Variants in MGRN1 observed in about 807,000 individuals in gnomAD.
MGRN1 encodes E3 ubiquitin-protein ligase MGRN1.
MGRN1 carries 29 observed loss-of-function variants against 69.2 expected under a neutral mutation model. The observed-to-expected ratio is 0.42, with a 90% CI of 0.31 to 0.57. The LOEUF is 0.57. Among genes scored for constraint, MGRN1 ranks in the 20% least tolerant of loss-of-function variants. The pLI is 0.15. For synonymous variants in MGRN1, 470 were observed against 344.2 expected (o/e 1.37, Z -4.04); for missense variants, 998 against 796.2 (o/e 1.25, Z -3.05).
intron 4 of MGRN1, among the ~76,000 whole-genome samples, chr16:4,656,412 G>A (rs1019835918): frequency 2.0e-5 from 3 of 152,158 alleles, no homozygotes; most frequent in Non-Finnish European, 4.4e-5. Context: ...CGCCTACCCC[G>A]TCTGAACGTT....
intron 1 of MGRN1, among the ~76,000 whole-genome samples, chr16:4,644,276 G>GCCA (rs1207510781): frequency 2.0e-5 from 3 of 149,192 alleles, no homozygotes; most frequent in African/African-American, 7.4e-5. Flanking sequence ...ACAGGTGTTA[G>GCCA]CCACCGTGCT....
intron 10 of MGRN1, chr16:4,677,232 C>T: frequency 2.4e-6 from 1 of 414,686 alleles, no homozygotes; most frequent in Non-Finnish European, 4.3e-6. Flanking sequence ...CGCCCCCTCC[C>T]TCTATTTCTG....
intron 3 of MGRN1, 29 bp downstream of exon 3, chr16:4,652,080 G>A (rs774451292): frequency 8.7e-6 from 14 of 1,604,474 alleles, no homozygotes; most frequent in Non-Finnish European, 1.2e-5. Context: ...TGGGGACCCT[G>A]TGGCTCTGTG....
At chr16:4,642,990 C>CT (rs2078196047) in intron 1 of MGRN1, among the ~76,000 whole-genome samples, 1 of 152,034 alleles carries the variant, frequency 6.6e-6, no homozygotes, top group African/African-American at 2.4e-5. Flanking sequence ...CAGTCCCACT[C>CT]TGTCACCCAG....
intron 16 of MGRN1, chr16:4,686,322 G>A (rs773913035): frequency 3.9e-6 from 6 of 1,542,236 alleles, no homozygotes; most frequent in Middle Eastern, 1.7e-4. Flanking sequence ...CCTCCCAGAC[G>A]CGCTTCGGGG....
intron 4 of MGRN1, 38 bp downstream of exon 4, chr16:4,652,862 G>A: frequency 6.4e-7 from 1 of 1,559,262 alleles, no homozygotes. Context: ...CCTGGCTGGG[G>A]GCCCCAGACT....
At chr16:4,625,992 G>A (rs905114278) in intron 1 of MGRN1, among the ~76,000 whole-genome samples, 3 of 152,236 alleles carry the variant, frequency 2.0e-5, no homozygotes, top group Non-Finnish European at 2.9e-5. Context: ...CTGAGTGTGG[G>A]CCAGGTCCAC....
Position 4,683,865 on chromosome 16 carries a change from G to C in MGRN1, c.1551G>C (p.Glu517Asp), listed in dbSNP as rs777834956. The change falls in exon 16 of 17, where the codon GAG becomes GAC. Residue 517 changes from glutamate to aspartate, a missense_variant. By Grantham distance (45) the Glu-to-Asp change is conservative (BLOSUM62 2). Transcript: ENST00000262370. ...CAGGGACCCGAGCAGCTTCCATTGA[G>C]AATGTCCTGCAGGACAGCAGCCCCG... Reference protein sequence around the residue: ...PQQGTRAASIENVLQDSSPEH... With the variant: ...PQQGTRAASIDNVLQDSSPEH... 5.0e-6 allele frequency: 8 copies of C among 1,605,754 alleles called. No homozygotes were observed. Among genetic ancestry groups the C allele is most frequent in the Middle Eastern group, 3.3e-4 (2 of 6,050 alleles).
chr16:4,628,168 C>T (rs1248234314), intron 1 of MGRN1, among the ~76,000 whole-genome samples: 3 of 151,466 alleles, frequency 2.0e-5, no homozygotes, highest in South Asian at 4.2e-4. Context: ...AGGCGGATCA[C>T]GAGGTCAGGA....
chr16:4,686,212 G>A (rs771825405), intron 16 of MGRN1: 21 of 1,536,638 alleles, frequency 1.4e-5, no homozygotes, highest in South Asian at 1.3e-4. Flanking sequence ...TGGCTGCTGC[G>A]CGCTTGCTAA....
intron 6 of MGRN1, 145 bp from the exon 7 acceptor site, chr16:4,664,957 G>A (rs2078766425): frequency 1.7e-6 from 2 of 1,159,398 alleles, no homozygotes; most frequent in Admixed American, 2.0e-5. Context: ...AGTGCAGGAG[G>A]GCAGGTCCCA....
At chr16:4,652,887 C>T (rs1182294642) in intron 4 of MGRN1, 63 bp downstream of exon 4, 20 of 1,507,266 alleles carry the variant, frequency 1.3e-5, no homozygotes, top group Non-Finnish European at 1.7e-5. Context: ...GGGGAGGCTT[C>T]TGTCCACCTT....
chr16:4,651,479 T>A (rs58556740), intron 2 of MGRN1, among the ~76,000 whole-genome samples: 20,361 of 151,994 alleles, frequency 0.13, 3,036 homozygotes, highest in African/African-American at 0.38. Flanking sequence ...CAGAAGAAGC[T>A]AGAAGGCAGG....
rs1215014071 is a variant in MGRN1 at position 4,636,872 on chromosome 16, CACTT to C, written c.88+11825_88+11828del. 3.9e-5 allele frequency among the ~76,000 whole-genome samples: 6 copies of C among 152,038 alleles called. No individual in the cohort carries two copies. The East Asian group carries it at 1.2e-3, about 29-fold the overall frequency. On this transcript the variant is annotated intron_variant, in intron 1 of 16. Transcript: ENST00000262370. ...CAGTGGCTCACACCTGTAATCCCAG[CACTT>C]TGGGAGGCCGAGACGGGCAGATCAC...
At chr16:4,684,984 C>T (rs544605370) in intron 16 of MGRN1, among the ~76,000 whole-genome samples, 64 of 152,336 alleles carry the variant, frequency 4.2e-4, no homozygotes, top group Non-Finnish European at 7.9e-4. Flanking sequence ...GGCTCTTGTG[C>T]CCCCGGACTC....
chr16:4,682,577 A>AGG (rs1283006531), intron 13 of MGRN1, among the ~76,000 whole-genome samples: 1 of 151,668 alleles, frequency 6.6e-6, no homozygotes, highest in Non-Finnish European at 1.5e-5. Context: ...TAGAAAGAAA[A>AGG]GGAAGGCTAG....
At position 4,677,491 on chromosome 16, in the gene MGRN1, G is replaced by T; in HGVS notation, c.984G>T (p.Ala328=). Residue 328 remains alanine, a synonymous_variant, in exon 11 of 17, where the codon GCG becomes GCT. Transcript: ENST00000262370. ...LPFRALLQIR[A]VRKKPGALSP... ...TCCGGGCCCTCCTGCAGATCCGGGC[G>T]GTGCGGAAGAAGCCAGGAGCCCTGT... is the stretch of plus-strand genomic sequence containing the variant. The T allele has an allele frequency of 1.3e-6, 2 of 1,586,650 alleles. No homozygotes were observed. Among genetic ancestry groups the T allele is most frequent in the Non-Finnish European group, 1.7e-6 (2 of 1,172,096 alleles).
chr16:4,646,264 C>G (rs909794514), intron 1 of MGRN1, among the ~76,000 whole-genome samples: 2 of 152,086 alleles, frequency 1.3e-5, no homozygotes, highest in Admixed American at 6.5e-5. Flanking sequence ...GACCCCATGT[C>G]TACAAAAAAT....
intron 16 of MGRN1, chr16:4,686,477 T>C (rs2079321478): frequency 1.4e-6 from 2 of 1,383,000 alleles, no homozygotes; most frequent in Non-Finnish European, 1.9e-6. Context: ...TGCTGCACCT[T>C]CCCCCAGAAA....
Sources: allele counts gnomAD v4.1 joint callset (sites outside exome capture counted in the v4.1 genomes callset), GRCh38; gene constraint gnomAD v4.1.1; transcripts MANE v1.5; gene names NCBI Gene and HGNC (gene_info 2026-07-23, HGNC 2026-07-21).